AGMO: variants seen among roughly 807,000 people sequenced by gnomAD.
The protein encoded by AGMO is glyceryl-ether monooxygenase.
A neutral mutation model predicts 60.2 loss-of-function variants in AGMO; 75 were observed. The ratio of observed to expected loss-of-function variants is 1.25; its 90% CI spans 1.03 to 1.51. The LOEUF is 1.51. AGMO is among the 40% of genes most tolerant of loss of function. The probability of loss-of-function intolerance (pLI) is 0.00; values close to 1 mark genes in which losing one functional copy is unlikely to be tolerated. For synonymous variants in AGMO, 261 were observed against 177.1 expected (o/e 1.47, Z -3.76); for missense variants, 763 against 525.5 (o/e 1.45, Z -4.42).
chr7:15,419,147 G>A (rs1262465035), intron 4 of AGMO, among the ~76,000 whole-genome samples: 1 of 151,700 alleles, frequency 6.6e-6, no homozygotes, highest in African/African-American at 2.4e-5. Context: ...CTTGGTTTTT[G>A]TATGATTGAT....
the AGMO span, among the ~76,000 whole-genome samples, chr7:15,162,040 C>T: frequency 1.3e-5 from 2 of 151,986 alleles, no homozygotes; most frequent in East Asian, 3.9e-4. Flanking sequence ...GGGACGGTTC[C>T]CCCATGCTGT....
the AGMO span, among the ~76,000 whole-genome samples, chr7:15,162,750 G>A: frequency 1.3e-5 from 2 of 152,200 alleles, no homozygotes; most frequent in Admixed American, 1.3e-4. Flanking sequence ...CTCTTTCTCT[G>A]TTACTACAAA....
At chr7:15,352,399 G>T (rs1025984063) in intron 12 of AGMO, among the ~76,000 whole-genome samples, 1 of 151,310 alleles carries the variant, frequency 6.6e-6, no homozygotes, top group Non-Finnish European at 1.5e-5. Context: ...ACAAACTCAC[G>T]TGCAAACCTC....
intron 6 of AGMO, among the ~76,000 whole-genome samples, chr7:15,393,658 T>C (rs1305021148): frequency 6.6e-6 from 1 of 152,138 alleles, no homozygotes; most frequent in African/African-American, 2.4e-5. Context: ...TATACTGAGA[T>C]TGTTCAACGC....
At chr7:15,521,847 G>C (rs1783998394) in intron 3 of AGMO, among the ~76,000 whole-genome samples, 2 of 152,256 alleles carry the variant, frequency 1.3e-5, no homozygotes, top group South Asian at 4.2e-4. Flanking sequence ...GTTCTGGCCA[G>C]GGCAATCAGG....
chr7:15,526,111 G>T (rs1279079213), intron 3 of AGMO, among the ~76,000 whole-genome samples: 1 of 152,178 alleles, frequency 6.6e-6, no homozygotes, highest in Non-Finnish European at 1.5e-5. Flanking sequence ...ACGCCAGGGT[G>T]CAAGCCAGGC....
At chr7:15,436,988 G>A (rs1451296925) in intron 3 of AGMO, among the ~76,000 whole-genome samples, 1 of 151,992 alleles carries the variant, frequency 6.6e-6, no homozygotes, top group Non-Finnish European at 1.5e-5. Flanking sequence ...TGAACTTGGA[G>A]GTGCCCATAT....
chr7:15,178,523 A>T, the AGMO span, among the ~76,000 whole-genome samples: 1 of 151,916 alleles, frequency 6.6e-6, no homozygotes, highest in African/African-American at 2.4e-5. Flanking sequence ...TGCTTGTATA[A>T]ATCAGTGTTT....
rs573193464 is a variant in AGMO, at chr7:15,559,262, T to A, written c.257+879A>T. On this transcript the variant is annotated intron_variant, in intron 2 of 12. Coordinates refer to ENST00000342526, the MANE Select transcript of AGMO (RefSeq NM_001004320.2). The stretch of plus-strand genomic sequence containing the variant: ...GCTAAAACTATTAAGAACATACACC[T>A]CTTGCTCTCAAGTTGTGTGCAAGCT... Among the ~76,000 whole-genome samples, 241 of 152,128 alleles carry A rather than the reference T, an allele frequency of 1.6e-3. 1 individual carries two copies. The highest frequency in any genetic ancestry group is 5.6e-3 in the African/African-American group (232 of 41,508).
chr7:15,212,247 T>TACACAC (rs57236152), intron 12 of AGMO, among the ~76,000 whole-genome samples: 4,724 of 146,334 alleles, frequency 0.032, 95 homozygotes, highest in Non-Finnish European at 0.046. Flanking sequence ...AGGTGTGGAG[T>TACACAC]ACACACACAC....
intron 12 of AGMO, among the ~76,000 whole-genome samples, chr7:15,326,285 T>G (rs1781337583): frequency 6.6e-6 from 1 of 152,202 alleles, no homozygotes; most frequent in Non-Finnish European, 1.5e-5. Flanking sequence ...TGGCTGTATT[T>G]GATTACTTAC....
At chr7:15,299,231 A>G (rs1414500645) in intron 12 of AGMO, among the ~76,000 whole-genome samples, 1 of 151,876 alleles carries the variant, frequency 6.6e-6, no homozygotes, top group Non-Finnish European at 1.5e-5. Flanking sequence ...AATAAATATA[A>G]TAATATAATA....
At chr7:15,265,636 A>C (rs1452440785) in intron 12 of AGMO, among the ~76,000 whole-genome samples, 1 of 152,062 alleles carries the variant, frequency 6.6e-6, no homozygotes, top group African/African-American at 2.4e-5. Flanking sequence ...AATTTCAAAA[A>C]CAGAAAGTAA....
At chr7:15,216,930 C>T (rs1485152976) in intron 12 of AGMO, among the ~76,000 whole-genome samples, 1 of 151,772 alleles carries the variant, frequency 6.6e-6, no homozygotes, top group Non-Finnish European at 1.5e-5. Flanking sequence ...ATGTACATAT[C>T]TCACACCCTC....
chr7:15,344,173 C>G (rs561716770), intron 12 of AGMO, among the ~76,000 whole-genome samples: 64 of 152,160 alleles, frequency 4.2e-4, no homozygotes, highest in African/African-American at 1.5e-3. Flanking sequence ...AGCATCTAAA[C>G]AATGTATGGC....
intron 3 of AGMO, among the ~76,000 whole-genome samples, chr7:15,454,039 T>C (rs1225014740): frequency 6.7e-6 from 1 of 149,066 alleles, no homozygotes; most frequent in Non-Finnish European, 1.5e-5. Context: ...TTTTTATATA[T>C]ATATACCACT....
chr7:15,239,411 G>C, intron 12 of AGMO, among the ~76,000 whole-genome samples: 1 of 152,106 alleles, frequency 6.6e-6, no homozygotes, highest in East Asian at 1.9e-4. Flanking sequence ...GCTTGGGTTA[G>C]AGTCTCCAGG....
chr7:15,302,432 GGTATACA>G (rs1476602547), intron 12 of AGMO, among the ~76,000 whole-genome samples: 1 of 151,974 alleles, frequency 6.6e-6, no homozygotes, highest in Non-Finnish European at 1.5e-5. Context: ...GGCAATAAAA[GGTATACA>G]GTATTTCCAC....
chr7:15,460,836 T>G (rs937175174), intron 3 of AGMO, among the ~76,000 whole-genome samples: 1 of 152,182 alleles, frequency 6.6e-6, no homozygotes, highest in Non-Finnish European at 1.5e-5. Flanking sequence ...CAATAACTTT[T>G]AAATTGGAAA....
Sources: allele counts gnomAD v4.1 joint callset (sites outside exome capture counted in the v4.1 genomes callset), GRCh38; gene constraint gnomAD v4.1.1; transcripts MANE v1.5; gene names NCBI Gene and HGNC (gene_info 2026-07-23, HGNC 2026-07-21).